RPS6KA2: variants seen among roughly 807,000 people sequenced by gnomAD.
RPS6KA2 encodes ribosomal protein S6 kinase A2.
In RPS6KA2, 42 loss-of-function variants were observed where a neutral mutation model predicts 91.8. The ratio of observed to expected loss-of-function variants is 0.46; its 90% confidence interval spans 0.36 to 0.59. RPS6KA2 has a LOEUF of 0.59. Ranked by LOEUF, RPS6KA2 falls within the 20% of genes least tolerant of loss-of-function variation. RPS6KA2 has a pLI of 0.00. For synonymous variants in RPS6KA2, 414 were observed against 393.6 expected (o/e 1.05, Z -0.61); for missense variants, 798 against 978.5 (o/e 0.82, Z 2.46).
At chr6:166,777,889 TA>T (rs549478796) in intron 2 of RPS6KA2, among the ~76,000 whole-genome samples, 5 of 152,250 alleles carry the variant, frequency 3.3e-5, no homozygotes, top group African/African-American at 4.8e-5. Context: ...AAGAGACATC[TA>T]AAAAAATGTG....
intron 2 of RPS6KA2, among the ~76,000 whole-genome samples, chr6:166,787,224 A>T (rs1778956030): frequency 6.6e-6 from 1 of 152,214 alleles, no homozygotes; most frequent in Non-Finnish European, 1.5e-5. Flanking sequence ...TTTTATCATG[A>T]TGTATAATTG....
rs190997031 is a variant in RPS6KA2 at position 166,601,741 on chromosome 6, C to T, written c.99+25180G>A. ...AACTAGTTCCATTCTTTACACTACA[C>T]AAAGAATGCAAGTCATTAAAGACCA... On this transcript the variant is annotated intron_variant, in intron 1 of 20. Coordinates refer to ENST00000265678, the MANE Select transcript of RPS6KA2 (RefSeq NM_021135.6). 1.5e-3 allele frequency among the ~76,000 whole-genome samples: 229 copies of T among 152,226 alleles called. 1 individual carries two copies. Among genetic ancestry groups the T allele is most frequent in the Non-Finnish European group, 2.1e-3 (140 of 67,998 alleles).
chr6:166,841,805 GA>G (rs1401775481), intron 2 of RPS6KA2, among the ~76,000 whole-genome samples: 3 of 152,232 alleles, frequency 2.0e-5, no homozygotes, highest in Admixed American at 2.0e-4. Context: ...AGATGAGGAA[GA>G]GGCCAGGAGT....
At chr6:166,526,502 T>C (rs1448083564) in intron 3 of RPS6KA2, among the ~76,000 whole-genome samples, 1 of 151,984 alleles carries the variant, frequency 6.6e-6, no homozygotes, top group Non-Finnish European at 1.5e-5. Flanking sequence ...TGCGCCACCA[T>C]ACCCAGTTAA....
At chr6:166,687,000 G>C (rs372886257) in intron 2 of RPS6KA2, among the ~76,000 whole-genome samples, 134 of 152,308 alleles carry the variant, frequency 8.8e-4, no homozygotes, top group African/African-American at 3.2e-3. Context: ...CTCTGTCTGC[G>C]CCCATTCTCC....
chr6:166,620,638 A>G (rs189756050), intron 1 of RPS6KA2, among the ~76,000 whole-genome samples: 274 of 152,296 alleles, frequency 1.8e-3, no homozygotes, highest in Admixed American at 7.5e-3. Flanking sequence ...GAGAGAAAAA[A>G]CATTTTTCCC....
At chr6:166,698,733 G>C (rs1196515352) in intron 2 of RPS6KA2, among the ~76,000 whole-genome samples, 1 of 152,236 alleles carries the variant, frequency 6.6e-6, no homozygotes. Context: ...TGGCAGGAAG[G>C]GCTGGTGGAT....
In RPS6KA2 at chr6:166,603,796, C is replaced by T. The variant is rs1308464175; in HGVS notation, c.99+23125G>A. ...TGGCCCAGGTGTATCAAATAAATGCCCCCGTACTGTTGTTTGCGATAACAA... is the reference window on the plus strand; with the variant it reads ...TGGCCCAGGTGTATCAAATAAATGCTCCCGTACTGTTGTTTGCGATAACAA... On this transcript the variant is annotated intron_variant, in intron 1 of 20. Transcript: ENST00000265678. The surrounding 1 kb of genome is among the most constrained non-coding windows in gnomAD (Gnocchi z 4.3). Among the ~76,000 whole-genome samples, 1 of 152,140 alleles carries T rather than the reference C, an allele frequency of 6.6e-6. No homozygotes were observed. The highest frequency in any genetic ancestry group is 1.5e-5 in the Non-Finnish European group (1 of 68,012).
intron 2 of RPS6KA2, among the ~76,000 whole-genome samples, chr6:166,734,764 C>T (rs1291571247): frequency 6.6e-6 from 1 of 152,182 alleles, no homozygotes; most frequent in Non-Finnish European, 1.5e-5. Flanking sequence ...TGGTGCTAAG[C>T]AGTGCCCTGC....
At chr6:166,579,009 G>C (rs565665679) in intron 1 of RPS6KA2, among the ~76,000 whole-genome samples, 33 of 152,278 alleles carry the variant, frequency 2.2e-4, no homozygotes, top group Middle Eastern at 6.8e-3. Context: ...AGAAGGCCCA[G>C]GTTAGAAGGA....
At chr6:166,819,845 G>A (rs912509034) in intron 2 of RPS6KA2, among the ~76,000 whole-genome samples, 6 of 152,154 alleles carry the variant, frequency 3.9e-5, no homozygotes, top group African/African-American at 1.4e-4. Context: ...ATTTATGAAG[G>A]TAGGTCTTCA....
chr6:166,689,373 C>T (rs1392471088), intron 2 of RPS6KA2, among the ~76,000 whole-genome samples: 1 of 152,204 alleles, frequency 6.6e-6, no homozygotes, highest in African/African-American at 2.4e-5. Flanking sequence ...GCACCTGCCA[C>T]GGATATGTGT....
rs1421215671 is a variant in RPS6KA2 at position 166,612,299 on chromosome 6, C to A, written c.99+14622G>T. On this transcript the variant is annotated intron_variant, in intron 1 of 20. Transcript: ENST00000265678. This position sits in a 1 kb window ranked among gnomAD's most constrained non-coding sequence, Gnocchi z 4.3. ...GGCAGGTGTGATGGAAGAAAAGAGACTGGGACTTGTCCTTTCTGGCTTCTC... is the reference window on the plus strand; with the variant it reads ...GGCAGGTGTGATGGAAGAAAAGAGAATGGGACTTGTCCTTTCTGGCTTCTC... Among the ~76,000 whole-genome samples the A allele has an allele frequency of 6.6e-6, 1 of 152,058 alleles. No individual in the cohort carries two copies. The highest frequency in any genetic ancestry group is 1.5e-5 in the Non-Finnish European group (1 of 68,008).
At chr6:166,754,418 T>C (rs955736416) in intron 2 of RPS6KA2, among the ~76,000 whole-genome samples, 5 of 152,300 alleles carry the variant, frequency 3.3e-5, no homozygotes, top group African/African-American at 1.2e-4. Flanking sequence ...TTCACGTGGC[T>C]TCCAGGGAAG....
intron 2 of RPS6KA2, 149 bp downstream of exon 2, chr6:166,538,519 A>C: frequency 2.0e-6 from 1 of 509,942 alleles, no homozygotes; most frequent in Non-Finnish European, 3.6e-6. Context: ...TGGCTGTGCA[A>C]AGTGAGACCC....
intron 2 of RPS6KA2, among the ~76,000 whole-genome samples, chr6:166,806,856 G>C (rs1021168313): frequency 2.6e-5 from 4 of 152,120 alleles, no homozygotes; most frequent in African/African-American, 7.2e-5. Flanking sequence ...GATTTTGTGA[G>C]TTCAACAACT....
At chr6:166,831,782 G>A (rs1780188319) in intron 2 of RPS6KA2, among the ~76,000 whole-genome samples, 1 of 144,996 alleles carries the variant, frequency 6.9e-6, no homozygotes, top group Non-Finnish European at 1.5e-5. Flanking sequence ...CTAGATAGAT[G>A]ATAGATACAT....
intron 2 of RPS6KA2, among the ~76,000 whole-genome samples, chr6:166,828,756 T>C (rs1364921795): frequency 6.6e-6 from 1 of 152,142 alleles, no homozygotes; most frequent in Non-Finnish European, 1.5e-5. Flanking sequence ...CTTTATCACA[T>C]CAGATCGGGT....
chr6:166,595,050 AT>A (rs768999635), intron 1 of RPS6KA2, among the ~76,000 whole-genome samples: 1 of 135,224 alleles, frequency 7.4e-6, no homozygotes, highest in Non-Finnish European at 1.6e-5. Flanking sequence ...GAAATGAATA[AT>A]TTTTTTTTGT....
Sources: gnomAD v4.1 joint callset for allele counts (sites outside exome capture counted in the v4.1 genomes callset) on GRCh38, gnomAD v4.1.1 for gene constraint, Gnocchi (gnomAD v3.1) non-coding constraint, MANE v1.5 for transcripts, NCBI Gene and HGNC (gene_info 2026-07-23, HGNC 2026-07-21) for gene names.